The following ZC3H12B variants were observed in gnomAD, a reference collection of about 807,000 sequenced individuals.
The protein encoded by ZC3H12B is zinc finger CCCH-type containing 12B, also known as probable ribonuclease ZC3H12B.
Under a neutral mutation model 43.9 loss-of-function variants are expected in ZC3H12B, and 7 were observed. The ratio of observed to expected loss-of-function variants is 0.16; its 90% CI spans 0.09 to 0.30. The LOEUF (loss-of-function observed/expected upper bound fraction) is 0.30. Ranked by LOEUF, ZC3H12B falls within the 10% of genes least tolerant of loss-of-function variation. ZC3H12B has a pLI of 1.00. For synonymous variants in ZC3H12B, 222 were observed against 241.7 expected, an observed-to-expected ratio of 0.92 and a Z score of 0.76; for missense variants, 475 against 670.2, an observed-to-expected ratio of 0.71 and a Z score of 3.22.
intron 3 of ZC3H12B, among the ~76,000 whole-genome samples, chrX:65,440,418 A>T (rs1337045071): frequency 3.5e-5 from 4 of 112,773 alleles, no homozygotes; most frequent in African/African-American, 1.3e-4. Context: ...TCACGTTAAT[A>T]GGCATATCAA....
At chrX:65,321,087 A>G in the ZC3H12B span, among the ~76,000 whole-genome samples, 1 of 111,913 alleles carries the variant, frequency 8.9e-6, no homozygotes, top group Non-Finnish European at 1.9e-5. Flanking sequence ...CAAATAAACT[A>G]TCAACAGAGT....
intron 2 of ZC3H12B, among the ~76,000 whole-genome samples, chrX:65,388,245 T>C (rs1290934959): frequency 8.9e-6 from 1 of 112,439 alleles, no homozygotes; most frequent in East Asian, 2.8e-4. Context: ...TTTTCCAACT[T>C]GGTTCCATTC....
chrX:65,123,182 A>C, the ZC3H12B span, among the ~76,000 whole-genome samples: 1 of 96,293 alleles, frequency 1.0e-5, no homozygotes, highest in Non-Finnish European at 1.9e-5. Flanking sequence ...CTGTTGACAA[A>C]ATCATGTGGT....
chrX:65,267,497 A>G, the ZC3H12B span, among the ~76,000 whole-genome samples: 1 of 110,921 alleles, frequency 9.0e-6, no homozygotes, highest in Non-Finnish European at 1.9e-5. Context: ...GTCTATACAC[A>G]GGGGAAAAAA....
At chrX:65,382,160 T>A (rs2066451274) in intron 2 of ZC3H12B, among the ~76,000 whole-genome samples, 1 of 111,062 alleles carries the variant, frequency 9.0e-6, no homozygotes, top group Admixed American at 9.6e-5. Flanking sequence ...AAAAGAGAAT[T>A]TTAGACCAAT....
the ZC3H12B span, among the ~76,000 whole-genome samples, chrX:65,216,872 T>C: frequency 1.8e-5 from 2 of 111,944 alleles, no homozygotes; most frequent in African/African-American, 3.2e-5. Context: ...TATGTTGCCT[T>C]GGTGGGATGG....
the ZC3H12B span, among the ~76,000 whole-genome samples, chrX:65,164,640 A>C: frequency 1.7e-3 from 188 of 112,195 alleles, no homozygotes; most frequent in African/African-American, 5.9e-3. Flanking sequence ...GGAATGAGCA[A>C]GGACCGCTTA....
chrX:65,429,129 G>A (rs746611955), intron 3 of ZC3H12B, among the ~76,000 whole-genome samples: 3 of 111,974 alleles, frequency 2.7e-5, no homozygotes, highest in Non-Finnish European at 5.6e-5. Flanking sequence ...TCCTTCCTCT[G>A]GAAGTTCCAT....
chrX:65,094,582 C>T, the ZC3H12B span, among the ~76,000 whole-genome samples: 3 of 111,673 alleles, frequency 2.7e-5, no homozygotes, highest in Non-Finnish European at 5.6e-5. Context: ...TTTGATATTT[C>T]CACTCTTGGG....
the ZC3H12B span, among the ~76,000 whole-genome samples, chrX:65,214,794 G>C: frequency 1.8e-5 from 2 of 111,549 alleles, no homozygotes; most frequent in African/African-American, 3.3e-5. Context: ...AATTTATCAA[G>C]GTGCATCAGA....
At chrX:65,498,745 GT>G (rs2068325704) in intron 2 of ZC3H12B, among the ~76,000 whole-genome samples, 1 of 112,131 alleles carries the variant, frequency 8.9e-6, no homozygotes, top group Non-Finnish European at 1.9e-5. Context: ...CTTCATGGTA[GT>G]TTTTAAAACT....
chrX:65,367,577 AT>A (rs747738238), intron 1 of ZC3H12B, among the ~76,000 whole-genome samples: 60 of 108,601 alleles, frequency 5.5e-4, no homozygotes, highest in Middle Eastern at 4.7e-3. Flanking sequence ...ATTTTAACTG[AT>A]TTTTTTTTTA....
chrX:65,163,788 CCACT>C, the ZC3H12B span, among the ~76,000 whole-genome samples: 2 of 111,364 alleles, frequency 1.8e-5, no homozygotes, highest in African/African-American at 6.5e-5. Flanking sequence ...TCTCCTGCAC[CCACT>C]GTCTGGCACT....
chrX:65,337,254 G>A, the ZC3H12B span, among the ~76,000 whole-genome samples: 2 of 111,568 alleles, frequency 1.8e-5, no homozygotes, highest in African/African-American at 3.3e-5. Flanking sequence ...CGTCCCTTTG[G>A]GGTTCATCAG....
At chrX:65,192,632 G>C in the ZC3H12B span, among the ~76,000 whole-genome samples, 2 of 111,357 alleles carry the variant, frequency 1.8e-5, no homozygotes, top group Non-Finnish European at 3.8e-5. Context: ...TCATTCTTTT[G>C]ATACGATGGA....
At chrX:65,273,494 C>A in the ZC3H12B span, among the ~76,000 whole-genome samples, 2 of 110,440 alleles carry the variant, frequency 1.8e-5, no homozygotes, top group Admixed American at 9.6e-5. Context: ...AATGGAGTCC[C>A]AGAAAGAGAA....
chrX:65,393,274 C>T (rs2066652006), intron 2 of ZC3H12B, among the ~76,000 whole-genome samples: 1 of 111,914 alleles, frequency 8.9e-6, no homozygotes, highest in South Asian at 3.8e-4. Context: ...AAAAATTCAA[C>T]ATCCTTTCTT....
chrX:65,200,213 G>T, the ZC3H12B span, among the ~76,000 whole-genome samples: 2 of 110,718 alleles, frequency 1.8e-5, no homozygotes, highest in Non-Finnish European at 3.8e-5. Flanking sequence ...GTGATGTTGA[G>T]GTTCTTTTCC....
At chrX:65,411,644 T>C (rs1335256949) in intron 3 of ZC3H12B, among the ~76,000 whole-genome samples, 4 of 110,271 alleles carry the variant, frequency 3.6e-5, no homozygotes, top group Admixed American at 9.7e-5. Flanking sequence ...GAGAATCACT[T>C]GAACCCAGGA....
Sources: gnomAD v4.1 joint callset for allele counts (sites outside exome capture counted in the v4.1 genomes callset) on GRCh38, gnomAD v4.1.1 for gene constraint, MANE v1.5 for transcripts, NCBI Gene and HGNC (gene_info 2026-07-23, HGNC 2026-07-21) for gene names.